The following ZNF717 variants were observed in gnomAD, a reference collection of about 807,000 sequenced individuals.
ZNF717 encodes krueppel-like factor X17.
A neutral mutation model predicts 13.8 loss-of-function variants in ZNF717; 9 were observed. The observed-to-expected ratio is 0.65, with a 90% confidence interval of 0.39 to 1.14. The LOEUF is 1.14. Among genes scored for constraint, ZNF717 ranks in the 50% most tolerant of loss-of-function variants. The pLI, the probability that ZNF717 is intolerant of heterozygous loss-of-function variation, is 0.01. For synonymous variants in ZNF717, 327 were observed against 364.1 expected (o/e 0.90, Z 1.16); for missense variants, 1,040 against 1,080.7 (o/e 0.96, Z 0.53).
At chr3:75,719,552 C>T (rs1413928756) in intron 4 of ZNF717, among the ~76,000 whole-genome samples, 1 of 152,178 alleles carries the variant, frequency 6.6e-6, no homozygotes, top group Non-Finnish European at 1.5e-5. Context: ...TAATTTAAGG[C>T]TTTTTGTTCT....
Position 75,738,118 on chromosome 3 carries a change from G to C in ZNF717, c.1505C>G (p.Thr502Arg). The change falls in exon 5 of 5, where the codon ACA (threonine) becomes AGA (arginine). Residue 502 changes from threonine (T) to arginine (R), a missense_variant. Around this residue, in one of 3 missense-constraint regions of ZNF717, gnomAD observed 873 missense variants for 832.8 expected, o/e 1.05. Coordinates refer to ENST00000652011, the MANE Select transcript of ZNF717 (RefSeq NM_001290208.3). The part of the protein sequence containing the change: ...SFLTIHQWTH[T>R]GEKPYECNEC... ...ATTGCATTCGTAGGGTTTTTCCCCTGTGTGAGTCCATTGATGGATAGTGAG... is the reference window on the plus strand; with the variant it reads ...ATTGCATTCGTAGGGTTTTTCCCCTCTGTGAGTCCATTGATGGATAGTGAG... 2 of 1,480,446 alleles carry C rather than the reference G, an allele frequency of 1.4e-6. No homozygotes were observed. The highest frequency in any genetic ancestry group is 1.8e-6 in the Non-Finnish European group (2 of 1,090,302). 91.7% of individuals were successfully genotyped at this position (1,480,446 alleles called of 1,614,324 possible). A position where few individuals can be genotyped will look rare whatever the true frequency, so the allele number is the denominator to read the frequency against.
At chr3:75,709,761 G>C (rs76552758) in exon 6 of ZNF717, 2 of 152,054 alleles carry the variant, frequency 1.3e-5, no homozygotes, top group Non-Finnish European at 2.9e-5. Flanking sequence ...AGCTGTCAGA[G>C]TTTTCTTATT....
At chr3:75,711,307 T>G (rs1937932253) in exon 6 of ZNF717, 3 of 152,270 alleles carry the variant, frequency 2.0e-5, no homozygotes, top group Admixed American at 6.5e-5. Context: ...GAGATAAAGT[T>G]TTCTTAAATC....
At chr3:75,726,926 T>C (rs1422210221), downstream of ZNF717, among the ~76,000 whole-genome samples, 7 of 152,090 alleles carry the variant, frequency 4.6e-5, no homozygotes, top group South Asian at 2.1e-4. Context: ...ATGTGCCTCA[T>C]AATGAACATT....
chr3:75,781,739 G>A (rs572202770), intron 2 of ZNF717, among the ~76,000 whole-genome samples: 185 of 152,224 alleles, frequency 1.2e-3, no homozygotes, highest in African/African-American at 4.1e-3. Context: ...CTGATAAAGC[G>A]CTGAGGCAAG....
chr3:75,784,402 G>A (rs144628288), intron 1 of ZNF717, among the ~76,000 whole-genome samples: 37 of 152,274 alleles, frequency 2.4e-4, no homozygotes, highest in African/African-American at 8.9e-4. Flanking sequence ...ATTACGTAGG[G>A]GGAGAAAGTC....
downstream of ZNF717, among the ~76,000 whole-genome samples, chr3:75,732,355 T>C (rs1938636953): frequency 7.9e-5 from 12 of 152,354 alleles, no homozygotes; most frequent in South Asian, 2.5e-3. Context: ...AAGCAGAGAC[T>C]CACTTAAACA....
rs549289911 is a variant in ZNF717 at position 75,768,145 on chromosome 3, AG to A, written c.57+15160del. On this transcript the variant is annotated intron_variant, in intron 2 of 4. Transcript: ENST00000652011. ...CCATGGGAATGACCAACCGTTAGAC[AG>A]GGCCTGCAGGGCAGCACCTACCTCC... is the stretch of plus-strand genomic sequence containing the variant. Among the ~76,000 whole-genome samples the A allele has an allele frequency of 2.4e-3, 359 of 149,902 alleles. 1 individual carries two copies. Among genetic ancestry groups the A allele is most frequent in the Non-Finnish European group, 4.4e-3 (294 of 66,944 alleles).
chr3:75,775,114 A>G (rs977277726), intron 2 of ZNF717, among the ~76,000 whole-genome samples: 2 of 151,926 alleles, frequency 1.3e-5, no homozygotes, highest in Non-Finnish European at 2.9e-5. Context: ...GACACCTGCC[A>G]CCACACCAGG....
chr3:75,766,321 GCAGACACTAATCATAAAAAGATGGTATC>G (rs1361243843), intron 2 of ZNF717, among the ~76,000 whole-genome samples: 1 of 151,276 alleles, frequency 6.6e-6, no homozygotes, highest in Non-Finnish European at 1.5e-5. Context: ...AATATGCTAT[GCAGACACTAATCATAAAAAGATGGTATC>G]CAGACACTAA....
At chr3:75,711,505 CA>C (rs1216135176) in intron 5 of ZNF717, among the ~76,000 whole-genome samples, 1 of 152,070 alleles carries the variant, frequency 6.6e-6, no homozygotes, top group African/African-American at 2.4e-5. Context: ...CTTAAATTAT[CA>C]AAAATTTTGC....
chr3:75,765,017 A>ATGTG (rs1553680573), intron 2 of ZNF717, among the ~76,000 whole-genome samples: 3 of 31,022 alleles, frequency 9.7e-5, no homozygotes, highest in African/African-American at 3.0e-4. Context: ...ATATATATAT[A>ATGTG]TATATATATA....
intron 6 of ZNF717, among the ~76,000 whole-genome samples, chr3:75,702,169 C>T (rs75325265): frequency 0.12 from 13,912 of 112,832 alleles, no homozygotes; most frequent in Non-Finnish European, 0.2. Context: ...TTGGCACTCT[C>T]ATGTTTGCTT....
At chr3:75,715,721 C>A (rs1468104906) in intron 5 of ZNF717, among the ~76,000 whole-genome samples, 1 of 151,970 alleles carries the variant, frequency 6.6e-6, no homozygotes, top group Admixed American at 6.6e-5. Context: ...GGGACACAGG[C>A]CAGAATTCCA....
chr3:75,697,395 G>A (rs1355675063), intron 6 of ZNF717, among the ~76,000 whole-genome samples: 37 of 151,550 alleles, frequency 2.4e-4, no homozygotes, highest in African/African-American at 8.8e-4. Flanking sequence ...TCATCGGGGT[G>A]GATTACTCAT....
chr3:75,776,970 G>C (rs187759394), intron 2 of ZNF717, among the ~76,000 whole-genome samples: 2 of 152,138 alleles, frequency 1.3e-5, no homozygotes, highest in East Asian at 1.9e-4. Flanking sequence ...GATTTTAGGT[G>C]GTTTGATTTA....
intron 6 of ZNF717, among the ~76,000 whole-genome samples, chr3:75,697,293 T>A (rs1257522292): frequency 7.2e-5 from 11 of 152,112 alleles, no homozygotes; most frequent in African/African-American, 2.7e-4. Flanking sequence ...TAAAGACTCC[T>A]CTGATAAGGT....
downstream of ZNF717, among the ~76,000 whole-genome samples, chr3:75,735,100 C>A (rs1367893813): frequency 1.3e-5 from 2 of 152,198 alleles, no homozygotes; most frequent in Non-Finnish European, 2.9e-5. Context: ...GTTGGGATTA[C>A]AGGCTTGAGC....
chr3:75,765,023 A>G (rs1355693400), intron 2 of ZNF717, among the ~76,000 whole-genome samples: 1,452 of 40,332 alleles, frequency 0.036, 17 homozygotes, highest in African/African-American at 0.1. Context: ...ATATATATAT[A>G]TATATATGTA....
Sources: gnomAD v4.1 joint callset for allele counts (sites outside exome capture counted in the v4.1 genomes callset) on GRCh38, gnomAD v4.1.1 for gene constraint, gnomAD v4.1.1 regional missense constraint, MANE v1.5 for transcripts, NCBI Gene and HGNC (gene_info 2026-07-23, HGNC 2026-07-21) for gene names.